The following MMS22L variants were observed in gnomAD, a reference collection of about 807,000 sequenced individuals.
MMS22L encodes the protein protein MMS22-like.
MMS22L carries 74 observed loss-of-function variants against 159.1 expected under a neutral mutation model. That is an observed-to-expected ratio of 0.47 (90% CI 0.39 to 0.56). MMS22L has a LOEUF of 0.56. MMS22L is among the 20% of genes least tolerant of loss of function. The pLI is 0.00. For missense variants in MMS22L, 1,351 were observed against 1,422.1 expected (o/e 0.95, Z 0.80); for synonymous variants, 517 against 506.9 (o/e 1.02, Z -0.27).
intron 7 of MMS22L, among the ~76,000 whole-genome samples, chr6:97,268,958 T>C (rs1441597773): frequency 6.6e-6 from 1 of 151,850 alleles, no homozygotes; most frequent in Non-Finnish European, 1.5e-5. Flanking sequence ...GGTGTAGGAG[T>C]AACAGACATC....
intron 11 of MMS22L, among the ~76,000 whole-genome samples, chr6:97,245,658 G>T (rs993218385): frequency 6.6e-6 from 1 of 152,000 alleles, no homozygotes; most frequent in Admixed American, 6.6e-5. Flanking sequence ...AAAGATAATA[G>T]ATTTGTTTCT....
chr6:97,178,457 C>A lies in MMS22L; in HGVS notation c.2665G>T (p.Val889Phe), dbSNP rs771242837. The stretch of plus-strand genomic sequence containing the variant: ...ATGACAAATACCTCAAAGAATCGAA[C>A]AAGTGCTTTTTTAGGGTCTTCTGAG... ...SISEDPKKALVRFFEAVGVTY... is the reference protein window; with the variant it reads ...SISEDPKKALFRFFEAVGVTY... The change falls in exon 18 of 25, where the codon GTT (valine) becomes TTT (phenylalanine). Residue 889 changes from valine to phenylalanine, a missense_variant. Transcript: ENST00000683635. 1.3e-6 allele frequency: 2 copies of A among 1,550,420 alleles called. No individual in the cohort carries two copies. The highest frequency in any genetic ancestry group is 1.3e-5 in the South Asian group (1 of 77,594).
Position 97,179,532 on chromosome 6 carries a change from T to G in MMS22L, c.2412A>C (p.Ser804=), listed in dbSNP as rs746719399. ...NSTLCEALSH[S]GYVSFQALTV... ...TTAAGGCTTGAAAAGATACATAGCC[T>G]GAATGAGAAAGTGCTTCACATAATG... is the stretch of plus-strand genomic sequence containing the variant. The change falls in exon 17 of 25, where the codon TCA becomes TCC. Residue 804 remains serine (S), a synonymous_variant. Transcript: ENST00000683635. The G allele has an allele frequency of 3.1e-6, 5 of 1,610,056 alleles. No individual in the cohort carries two copies. In the African/African-American group the frequency reaches 5.4e-5, roughly 17 times the overall value.
intron 14 of MMS22L, among the ~76,000 whole-genome samples, chr6:97,212,427 T>G (rs1808485746): frequency 2.6e-5 from 4 of 152,310 alleles, no homozygotes; most frequent in African/African-American, 9.6e-5. Context: ...TGATTCAGAA[T>G]GGAGCCCTAA....
chr6:97,204,015 C>T (rs928121573), intron 14 of MMS22L, among the ~76,000 whole-genome samples: 18 of 152,206 alleles, frequency 1.2e-4, no homozygotes, highest in African/African-American at 4.3e-4. Context: ...TAACAGTGGC[C>T]CATACTTTCC....
chr6:97,279,023 A>AC (rs1816502063), intron 3 of MMS22L, 125 bp from the exon 4 acceptor site: 1 of 668,446 alleles, frequency 1.5e-6, no homozygotes, highest in Non-Finnish European at 2.5e-6. Context: ...GATGATTAAT[A>AC]CCTTGTGAAT....
intron 18 of MMS22L, among the ~76,000 whole-genome samples, chr6:97,175,311 T>C (rs1804006240): frequency 6.6e-6 from 1 of 152,210 alleles, no homozygotes; most frequent in Admixed American, 6.5e-5. Flanking sequence ...GTATGATTTA[T>C]TGTGGTATGC....
chr6:97,166,575 G>A (rs1055099000), intron 20 of MMS22L, among the ~76,000 whole-genome samples: 4 of 150,938 alleles, frequency 2.7e-5, no homozygotes, highest in African/African-American at 4.9e-5. Context: ...TTAAGGAAAA[G>A]CACATTAAAT....
intron 11 of MMS22L, among the ~76,000 whole-genome samples, chr6:97,239,769 C>T (rs929232351): frequency 5.3e-5 from 8 of 152,086 alleles, no homozygotes; most frequent in African/African-American, 1.7e-4. Flanking sequence ...ATTAGCCAGA[C>T]ATGGTGGCAT....
In MMS22L at chr6:97,253,796, G is replaced by A. The variant is rs188075848; in HGVS notation, c.1119+761C>T. Reference sequence around the variant, plus strand: ...ATTTTTTAAAACTCACAAGTCTAATGATCAGCCAGGTTTGGTAACCACTGC... The same window carrying A: ...ATTTTTTAAAACTCACAAGTCTAATAATCAGCCAGGTTTGGTAACCACTGC... On this transcript the variant is annotated intron_variant, in intron 10 of 24. Coordinates refer to ENST00000683635, the MANE Select transcript of MMS22L (RefSeq NM_001350599.2). 4 of 152,256 alleles carry A rather than the reference G, an allele frequency of 2.6e-5. No individual in the cohort carries two copies. In the East Asian group the frequency reaches 5.8e-4, roughly 22 times the overall value. 9.4% of individuals were successfully genotyped at this position (152,256 alleles called of 1,614,324 possible). A position where few individuals can be genotyped will look rare whatever the true frequency, so the allele number is the denominator to read the frequency against.
intron 14 of MMS22L, among the ~76,000 whole-genome samples, chr6:97,228,600 A>C (rs1399294827): frequency 6.6e-6 from 1 of 152,198 alleles, no homozygotes; most frequent in Non-Finnish European, 1.5e-5. Context: ...TTATGTTTAG[A>C]CTTGGGTCCC....
chr6:97,174,911 T>C (rs1803971413), intron 18 of MMS22L, among the ~76,000 whole-genome samples: 1 of 152,156 alleles, frequency 6.6e-6, no homozygotes, highest in Admixed American at 6.5e-5. Context: ...GACTGTGAGA[T>C]TAGCAGATAA....
intron 8 of MMS22L, chr6:97,265,288 C>A (rs1373758870): frequency 1.3e-5 from 2 of 152,150 alleles, no homozygotes; most frequent in Non-Finnish European, 2.9e-5. Flanking sequence ...CAGGTTGGGA[C>A]AACTGGATAT....
chr6:97,269,114 C>T (rs1350827159), intron 7 of MMS22L, among the ~76,000 whole-genome samples: 4 of 151,570 alleles, frequency 2.6e-5, no homozygotes, highest in Non-Finnish European at 5.9e-5. Context: ...GGAAAATTTG[C>T]AAAATACAAT....
At chr6:97,250,192 T>G (rs1258622818) in intron 10 of MMS22L, among the ~76,000 whole-genome samples, 2 of 152,130 alleles carry the variant, frequency 1.3e-5, no homozygotes, top group Non-Finnish European at 2.9e-5. Context: ...AGGTAGGATG[T>G]CATCAATTTG....
intron 14 of MMS22L, 83 bp downstream of exon 14, chr6:97,228,811 G>A: frequency 7.8e-7 from 1 of 1,274,554 alleles, no homozygotes; most frequent in Non-Finnish European, 1.1e-6. Flanking sequence ...TTGTATATAT[G>A]CATATATATA....
At chr6:97,185,342 G>A (rs1369420624) in intron 15 of MMS22L, among the ~76,000 whole-genome samples, 1 of 152,044 alleles carries the variant, frequency 6.6e-6, no homozygotes, top group African/African-American at 2.4e-5. Context: ...TTTAAATGAA[G>A]AAAATCATTC....
chr6:97,182,001 G>A lies in MMS22L; in HGVS notation c.2287C>T (p.Pro763Ser). The change falls in exon 16 of 25, where the codon CCT (proline) becomes TCT (serine). Residue 763 changes from proline (P) to serine (S), a missense_variant. Physicochemically the swap from Pro to Ser is moderately conservative, Grantham distance 74. Transcript: ENST00000683635. ...MPSTAPSDFQPQPVISIIQLF... is the reference protein window; with the variant it reads ...MPSTAPSDFQSQPVISIIQLF... Reference sequence around the variant, plus strand: ...TGAATAATTGATATAACTGGCTGAGGCTGAAAATCTGATGGAGCTGTGCTT... The same window carrying A: ...TGAATAATTGATATAACTGGCTGAGACTGAAAATCTGATGGAGCTGTGCTT... The A allele has an allele frequency of 6.2e-7, 1 of 1,613,728 alleles. No individual in the cohort carries two copies. The highest frequency in any genetic ancestry group is 1.7e-4 in the Middle Eastern group (1 of 6,060).
chr6:97,247,180 A>T (rs964763188), intron 10 of MMS22L, among the ~76,000 whole-genome samples: 3 of 152,194 alleles, frequency 2.0e-5, no homozygotes, highest in Admixed American at 6.5e-5. Flanking sequence ...GACAACCTCG[A>T]CTATCTAGAA....
Sources: allele counts gnomAD v4.1 joint callset (sites outside exome capture counted in the v4.1 genomes callset), GRCh38; gene constraint gnomAD v4.1.1; transcripts MANE v1.5; gene names NCBI Gene and HGNC (gene_info 2026-07-23, HGNC 2026-07-21).